CATSPER4: variants seen among roughly 807,000 people sequenced by gnomAD.
CATSPER4 encodes the protein cation channel sperm associated 4.
A neutral mutation model predicts 54.4 loss-of-function variants in CATSPER4; 46 were observed. The ratio of observed to expected loss-of-function variants is 0.84; its 90% CI spans 0.67 to 1.08. CATSPER4 has a LOEUF of 1.08. Ranked by LOEUF, CATSPER4 falls within the 50% of genes least tolerant of loss-of-function variation. CATSPER4 has a pLI of 0.00. For missense variants in CATSPER4, 574 were observed against 612.8 expected (o/e 0.94, Z 0.67); for synonymous variants, 230 against 231.9 (o/e 0.99, Z 0.08).
Position 26,201,381 on chromosome 1 carries a change from C to A in CATSPER4, c.1227C>A (p.Arg409=), listed in dbSNP as rs142696900. The A allele has an allele frequency of 1.5e-5, 25 of 1,614,040 alleles. No individual in the cohort carries two copies. The highest frequency in any genetic ancestry group is 2.1e-5 in the Non-Finnish European group (25 of 1,180,020). The change falls in exon 9 of 10, where the codon CGC becomes CGA. Residue 409 remains arginine, a synonymous_variant. Transcript: ENST00000456354. ...NMIVEEVRAI[R]FNQEQESEVL... is the part of the protein sequence containing the mutation. ...TTGTGGAGGAGGTGCGCGCAATCCG[C>A]TTCAACCAGGAGCAGGAGTCAGAGG...
In CATSPER4 at chr1:26,201,447, T is replaced by G. The variant is rs200619838; in HGVS notation, c.1293T>G (p.Thr431=). 6.2e-7 allele frequency: 1 copy of G among 1,613,816 alleles called. No homozygotes were observed. Among genetic ancestry groups the G allele is most frequent in the Non-Finnish European group, 8.5e-7 (1 of 1,179,700 alleles). ...CGTCGACGAGCGGGTCGTTGGAGAC[T>G]ACGTCATCCAAGGACATCCGCCAGA... ...RRSSTSGSLE[T]TSSKDIRQMS... The change falls in exon 9 of 10, where the codon ACT becomes ACG. Residue 431 remains threonine (T), a synonymous_variant. Coordinates refer to ENST00000456354, the MANE Select transcript of CATSPER4 (RefSeq NM_198137.2).
intron 3 of CATSPER4, among the ~76,000 whole-genome samples, chr1:26,196,826 T>C (rs2088943783): frequency 6.6e-6 from 1 of 152,160 alleles, no homozygotes; most frequent in Admixed American, 6.5e-5. Context: ...GTGAGTTTCC[T>C]TCTCCTCCCC....
rs1569907388 is a variant in CATSPER4 at position 26,198,030 on chromosome 1, G to A, written c.631G>A (p.Val211Met). 1.2e-6 allele frequency: 2 copies of A among 1,613,996 alleles called. No individual in the cohort carries two copies. Among genetic ancestry groups the A allele is most frequent in the Non-Finnish European group, 1.7e-6 (2 of 1,179,874 alleles). ...GATCATCCGCGTCATCCTGCAGTCG[G>A]TGCCTGACATGGCCAATATCATGGT... is the stretch of plus-strand genomic sequence containing the variant. ...ARIIRVILQS[V>M]PDMANIMVLI... The change falls in exon 5 of 10, where the codon GTG becomes ATG. Residue 211 changes from valine (V) to methionine (M), a missense_variant. Coordinates refer to ENST00000456354, the MANE Select transcript of CATSPER4 (RefSeq NM_198137.2).
At chr1:26,191,494 C>A in intron 2 of CATSPER4, 64 bp downstream of exon 2, 1 of 1,571,838 alleles carries the variant, frequency 6.4e-7, no homozygotes, top group Non-Finnish European at 8.7e-7. Context: ...AAGAACTCTT[C>A]CGGCCTCAGG....
At chr1:26,198,441 A>C in intron 6 of CATSPER4, 22 bp downstream of exon 6, 1 of 1,613,854 alleles carries the variant, frequency 6.2e-7, no homozygotes, top group Non-Finnish European at 8.5e-7. Flanking sequence ...TGGGACTTCC[A>C]GCCTCATCCC....
intron 3 of CATSPER4, among the ~76,000 whole-genome samples, chr1:26,195,090 AAAG>A (rs2088922320): frequency 6.6e-6 from 1 of 152,204 alleles, no homozygotes; most frequent in Admixed American, 6.5e-5. Context: ...TTTCAAAAAA[AAAG>A]TTTTCTTTTT....
In CATSPER4 at chr1:26,198,000, G is replaced by A. The variant is rs200508821; in HGVS notation, c.601G>A (p.Ala201Thr). The change falls in exon 5 of 10, where the codon GCC (alanine) becomes ACC (threonine). Residue 201 changes from alanine to threonine, a missense_variant. By Grantham distance (58) the Ala-to-Thr change is moderately conservative. Transcript: ENST00000456354. The stretch of plus-strand genomic sequence containing the variant: ...TGTGTGCATGGCGGTGGAGCCCCTC[G>A]CCCGGATCATCCGCGTCATCCTGCA... ...VHVCMAVEPL[A>T]RIIRVILQSV... is the part of the protein sequence containing the mutation. The A allele has an allele frequency of 8.1e-6, 13 of 1,613,854 alleles. No individual in the cohort carries two copies. Among genetic ancestry groups the A allele is most frequent in the Middle Eastern group, 1.7e-4 (1 of 5,926 alleles).
At chr1:26,199,790 A>T in intron 6 of CATSPER4, 94 bp from the exon 7 acceptor site, 1 of 1,384,256 alleles carries the variant, frequency 7.2e-7, no homozygotes, top group Non-Finnish European at 1.0e-6. Flanking sequence ...CAGAAGTTCT[A>T]GTAGGCCTTG....
intron 2 of CATSPER4, 23 bp from the exon 3 acceptor site, chr1:26,193,764 T>C (rs2088902424): frequency 6.4e-7 from 1 of 1,554,008 alleles, no homozygotes. Flanking sequence ...TCTGCCCCTC[T>C]TTTTTCTCTG....
At chr1:26,192,792 G>A (rs17163645) in intron 2 of CATSPER4, among the ~76,000 whole-genome samples, 1,652 of 152,044 alleles carry the variant, frequency 0.011, 38 homozygotes, top group African/African-American at 0.038. Flanking sequence ...GTGGCCATAT[G>A]TGACAGTGGG....
intron 2 of CATSPER4, 48 bp downstream of exon 2, chr1:26,191,478 T>C (rs1406384449): frequency 6.2e-7 from 1 of 1,601,602 alleles, no homozygotes; most frequent in Non-Finnish European, 8.5e-7. Flanking sequence ...ATGGGGGGCC[T>C]GGGGCAAGAA....
At position 26,202,563 on chromosome 1, in the gene CATSPER4, G is replaced by A; in HGVS notation, c.*21G>A. 6.2e-7 allele frequency: 1 copy of A among 1,605,614 alleles called. No individual in the cohort carries two copies. Among genetic ancestry groups the A allele is most frequent in the Non-Finnish European group, 8.5e-7 (1 of 1,175,126 alleles). ...ACTGAGAGGCCAGGATGGGAGCCAA[G>A]GGGCCTGCACACACACACCCAGCCG... On this transcript the variant is annotated 3_prime_UTR_variant, in exon 10 of 10. Coordinates refer to ENST00000456354, the MANE Select transcript of CATSPER4 (RefSeq NM_198137.2).
At position 26,201,499 on chromosome 1, in the gene CATSPER4, G is replaced by A; in HGVS notation, c.1345G>A (p.Ala449Thr). 1 of 1,613,976 alleles carries A rather than the reference G, an allele frequency of 6.2e-7. No homozygotes were observed. Among genetic ancestry groups the A allele is most frequent in the Admixed American group, 1.7e-5 (1 of 60,012 alleles). The change falls in exon 9 of 10, where the codon GCG becomes ACG. Residue 449 changes from alanine to threonine, a missense_variant. Ala to Thr is a moderately conservative substitution (Grantham distance 58, BLOSUM62 0). Coordinates refer to ENST00000456354, the MANE Select transcript of CATSPER4 (RefSeq NM_198137.2). ...GTCTCAACAGCAAGACTTGCTCAGT[G>A]CGCTCGTTAGCATGGAAAAGGTGTG... is the stretch of plus-strand genomic sequence containing the variant. ...QMSQQQDLLS[A>T]LVSMEKVHDS...
rs973848543 is a variant in CATSPER4 at position 26,202,845 on chromosome 1, G to A, written c.*303G>A. The A allele has an allele frequency of 8.4e-6, 4 of 476,454 alleles. No homozygotes were observed. Among genetic ancestry groups the A allele is most frequent in the Non-Finnish European group, 1.5e-5 (4 of 261,558 alleles). The allele number at this position is 476,454 out of a possible 1,614,324, so 29.5% of individuals were successfully genotyped here. On this transcript the variant is annotated 3_prime_UTR_variant, in exon 10 of 10. Coordinates refer to ENST00000456354, the MANE Select transcript of CATSPER4 (RefSeq NM_198137.2). ...ATTTGACCTAAGGATGGGGATCCCT[G>A]GCCCCCTGCTCTTGCCCAGAGCTGG... is the stretch of plus-strand genomic sequence containing the variant.
chr1:26,190,623 C>T lies in CATSPER4; in HGVS notation c.-5C>T, dbSNP rs375710594. 6.3e-7 allele frequency: 1 copy of T among 1,599,310 alleles called. No homozygotes were observed. Among genetic ancestry groups the T allele is most frequent in the Admixed American group, 1.7e-5 (1 of 59,642 alleles). On this transcript the variant is annotated 5_prime_UTR_variant, in exon 1 of 10. Coordinates refer to ENST00000456354, the MANE Select transcript of CATSPER4 (RefSeq NM_198137.2). ...CTTTGAGGAGAAGGAAGAGACTGAGCAAACATGAGGGATAATGAAAAGGCC... is the reference window on the plus strand; with the variant it reads ...CTTTGAGGAGAAGGAAGAGACTGAGTAAACATGAGGGATAATGAAAAGGCC...
Position 26,190,790 on chromosome 1 carries a change from C to A in CATSPER4, c.163C>A (p.Arg55=), listed in dbSNP as rs781301429. The A allele has an allele frequency of 5.0e-6, 8 of 1,613,014 alleles. No individual in the cohort carries two copies. The highest frequency in any genetic ancestry group is 6.8e-6 in the Non-Finnish European group (8 of 1,179,742). Reference sequence around the variant, plus strand: ...GAGTACCATTCACGAGTCCTACGGTCGGCCAGAGGAGCAAGTGCTCATCAA... The same window carrying A: ...GAGTACCATTCACGAGTCCTACGGTAGGCCAGAGGAGCAAGTGCTCATCAA... ...LQSTIHESYG[R]PEEQVLINRQ... Residue 55 remains arginine (R), a synonymous_variant, in exon 1 of 10, where the codon CGG becomes AGG. Coordinates refer to ENST00000456354, the MANE Select transcript of CATSPER4 (RefSeq NM_198137.2).
chr1:26,197,913 G>C (rs996122889), intron 4 of CATSPER4, 44 bp from the exon 5 acceptor site: 5 of 1,609,492 alleles, frequency 3.1e-6, no homozygotes, highest in Non-Finnish European at 3.4e-6. Flanking sequence ...GGAGGGAAGG[G>C]GCTGGGAAGG....
chr1:26,193,918 C>G (rs1358307404), intron 3 of CATSPER4, 30 bp downstream of exon 3: 3 of 1,497,376 alleles, frequency 2.0e-6, no homozygotes, highest in African/African-American at 2.8e-5. Context: ...GCCCCTACTT[C>G]CCCCTGGGGA....
chr1:26,194,601 A>G (rs1057081081), intron 3 of CATSPER4, among the ~76,000 whole-genome samples: 2 of 152,152 alleles, frequency 1.3e-5, no homozygotes, highest in African/African-American at 4.8e-5. Flanking sequence ...CAGGCATCCT[A>G]TATTCTCAGG....
Sources: gnomAD v4.1 joint callset for allele counts (sites outside exome capture counted in the v4.1 genomes callset) on GRCh38, gnomAD v4.1.1 for gene constraint, MANE v1.5 for transcripts, NCBI Gene and HGNC (gene_info 2026-07-23, HGNC 2026-07-21) for gene names.